NBEA: variants seen among roughly 807,000 people sequenced by gnomAD.
NBEA encodes neurobeachin.
Under a neutral mutation model 343.4 loss-of-function variants are expected in NBEA, and 44 were observed. The observed-to-expected ratio is 0.13, with a 90% confidence interval of 0.10 to 0.16. NBEA has a LOEUF of 0.16. NBEA is among the 10% of genes least tolerant of loss of function. The pLI, the probability that NBEA is intolerant of heterozygous loss-of-function variation, is 1.00. For synonymous variants in NBEA, 1,175 were observed against 1,238.7 expected (o/e 0.95, Z 1.08); for missense variants, 2,555 against 3,631.3 (o/e 0.70, Z 7.62).
chr13:35,454,398 ACTGTTT>A (rs1450108534), intron 40 of NBEA, among the ~76,000 whole-genome samples: 2 of 152,314 alleles, frequency 1.3e-5, no homozygotes, highest in East Asian at 3.9e-4. Context: ...TCAATACGTA[ACTGTTT>A]TTGCCCTAAG....
At chr13:35,560,359 T>G (rs1406536994) in intron 44 of NBEA, among the ~76,000 whole-genome samples, 1 of 152,228 alleles carries the variant, frequency 6.6e-6, no homozygotes, top group African/African-American at 2.4e-5. Flanking sequence ...TAATTTTCTT[T>G]TACATTTCAT....
chr13:35,480,410 C>G (rs1475999642), intron 41 of NBEA, among the ~76,000 whole-genome samples: 3 of 151,994 alleles, frequency 2.0e-5, no homozygotes, highest in Admixed American at 2.0e-4. Context: ...TAATTGTAAC[C>G]TTTCATCTGG....
chr13:35,557,202 G>A (rs931226614), intron 44 of NBEA, among the ~76,000 whole-genome samples: 1 of 152,066 alleles, frequency 6.6e-6, no homozygotes, highest in African/African-American at 2.4e-5. Context: ...ATGTTTTCTA[G>A]TTCATTGTTT....
In NBEA at chr13:35,362,891, G is replaced by A. The variant is rs184764208; in HGVS notation, c.6179+10568G>A. On this transcript the variant is annotated intron_variant, in intron 38 of 58. Coordinates refer to ENST00000379939, the MANE Select transcript of NBEA (RefSeq NM_001385012.1). ...TAAGCACAAAATAATAACTTAAAGT[G>A]ACATAAGGTAAGCACTAAAACAAAG... Among the ~76,000 whole-genome samples the A allele has an allele frequency of 2.4e-3, 366 of 152,024 alleles. 1 individual carries two copies. The highest frequency in any genetic ancestry group is 2.2e-3 in the Non-Finnish European group (150 of 67,880).
intron 41 of NBEA, 103 bp from the exon 42 acceptor site, chr13:35,550,374 T>C (rs945973844): frequency 3.1e-6 from 2 of 639,082 alleles, no homozygotes; most frequent in Non-Finnish European, 5.2e-6. Flanking sequence ...TGACAGACAG[T>C]GAATTCATTT....
At chr13:35,085,338 A>T (rs2064689912) in intron 10 of NBEA, among the ~76,000 whole-genome samples, 2 of 152,150 alleles carry the variant, frequency 1.3e-5, no homozygotes, top group Admixed American at 1.3e-4. Flanking sequence ...TCCTCAATAA[A>T]ATACAGGCAA....
chr13:35,593,255 G>A, intron 46 of NBEA, 73 bp from the exon 47 acceptor site: 1 of 1,525,092 alleles, frequency 6.6e-7, no homozygotes, highest in Non-Finnish European at 8.9e-7. Context: ...TTTCAAGATA[G>A]CCATGTTTCA....
chr13:35,406,431 A>G (rs1242303366), intron 38 of NBEA, among the ~76,000 whole-genome samples: 1 of 151,876 alleles, frequency 6.6e-6, no homozygotes, highest in South Asian at 2.1e-4. Context: ...ACTGTACCCA[A>G]TTTGTAGCGT....
At chr13:35,018,254 G>A (rs1394768236) in intron 1 of NBEA, among the ~76,000 whole-genome samples, 2 of 151,948 alleles carry the variant, frequency 1.3e-5, no homozygotes, top group African/African-American at 2.4e-5. Flanking sequence ...TTCCATATAC[G>A]TTTTGTAATC....
chr13:35,390,774 AACATC>A (rs1241823491), intron 38 of NBEA, among the ~76,000 whole-genome samples: 1 of 152,198 alleles, frequency 6.6e-6, no homozygotes, highest in African/African-American at 2.4e-5. Flanking sequence ...TAGTAAAGGA[AACATC>A]ACTTTTTAAA....
intron 36 of NBEA, among the ~76,000 whole-genome samples, chr13:35,325,792 T>C (rs1332528509): frequency 1.3e-5 from 2 of 152,112 alleles, no homozygotes; most frequent in South Asian, 2.1e-4. Flanking sequence ...TGAGATTAGA[T>C]ATAATTTAAA....
intron 49 of NBEA, among the ~76,000 whole-genome samples, chr13:35,631,497 A>T (rs1400444306): frequency 1.3e-5 from 2 of 152,236 alleles, no homozygotes; most frequent in African/African-American, 4.8e-5. Flanking sequence ...TGTACATTTC[A>T]TATAGATAAA....
intron 24 of NBEA, among the ~76,000 whole-genome samples, chr13:35,166,171 A>T (rs1013743774): frequency 6.6e-6 from 1 of 152,194 alleles, no homozygotes; most frequent in Admixed American, 6.6e-5. Flanking sequence ...TGCATGGAAC[A>T]TAAAATGCTT....
chr13:35,645,033 TAATA>T (rs2084157147), intron 49 of NBEA, among the ~76,000 whole-genome samples: 1 of 152,266 alleles, frequency 6.6e-6, no homozygotes, highest in Non-Finnish European at 1.5e-5. Context: ...TTAATATTGC[TAATA>T]AATTTGCAGG....
intron 18 of NBEA, among the ~76,000 whole-genome samples, chr13:35,143,478 G>T (rs1474383117): frequency 6.6e-6 from 1 of 152,162 alleles, no homozygotes; most frequent in African/African-American, 2.4e-5. Flanking sequence ...GCAGAGTGTA[G>T]ATTATTTTGT....
intron 6 of NBEA, among the ~76,000 whole-genome samples, chr13:35,051,433 A>G (rs2063062366): frequency 6.6e-6 from 1 of 151,924 alleles, no homozygotes. Context: ...ACGGAAAAAT[A>G]TATTATTTTG....
At chr13:34,943,984 G>T (rs1052916807) in intron 1 of NBEA, among the ~76,000 whole-genome samples, 6 of 152,210 alleles carry the variant, frequency 3.9e-5, no homozygotes, top group African/African-American at 1.4e-4. Context: ...GTCAGGGAAA[G>T]AAATGGAAAG....
chr13:35,589,132 T>TAAC (rs370838408), intron 46 of NBEA, among the ~76,000 whole-genome samples: 111 of 152,246 alleles, frequency 7.3e-4, no homozygotes, highest in African/African-American at 2.5e-3. Context: ...GAGAAATACT[T>TAAC]AACCAAGAGC....
chr13:35,014,271 T>G (rs1350903547), intron 1 of NBEA, among the ~76,000 whole-genome samples: 3 of 152,228 alleles, frequency 2.0e-5, no homozygotes, highest in African/African-American at 7.2e-5. Flanking sequence ...TCTTTTTCCT[T>G]TACCTCATCT....
Sources: gnomAD v4.1 joint callset for allele counts (sites outside exome capture counted in the v4.1 genomes callset) on GRCh38, gnomAD v4.1.1 for gene constraint, MANE v1.5 for transcripts, NCBI Gene and HGNC (gene_info 2026-07-23, HGNC 2026-07-21) for gene names.